The following PCDHGA5 variants were observed in gnomAD, a reference collection of about 807,000 sequenced individuals.
The protein encoded by PCDHGA5 is protocadherin gamma subfamily A, 5, also known as protocadherin gamma-A5.
A neutral mutation model predicts 56.7 loss-of-function variants in PCDHGA5; 36 were observed. The observed-to-expected ratio is 0.64, with a 90% CI of 0.49 to 0.84. PCDHGA5 has a LOEUF of 0.84. PCDHGA5 is among the 40% of genes least tolerant of loss of function. The probability of loss-of-function intolerance (pLI) is 0.00; values close to 1 mark genes in which losing one functional copy is unlikely to be tolerated. For missense variants in PCDHGA5, 1,305 were observed against 1,201.5 expected, an observed-to-expected ratio of 1.09 and a Z score of -1.27; for synonymous variants, 563 against 520.2, an observed-to-expected ratio of 1.08 and a Z score of -1.12.
At chr5:141,366,899 C>A in intron 1 of PCDHGA5, 148 bp downstream of exon 1, 1 of 1,196,082 alleles carries the variant, frequency 8.4e-7, no homozygotes, top group Non-Finnish European at 1.1e-6. Flanking sequence ...ATAATTCATG[C>A]TTTCTCCATT....
intron 1 of PCDHGA5, chr5:141,403,938 G>C (rs1181403397): frequency 1.2e-6 from 2 of 1,613,848 alleles, no homozygotes; most frequent in Non-Finnish European, 1.7e-6. Flanking sequence ...GGATTGAAAG[G>C]GTGGACAAAA....
Position 141,432,731 on chromosome 5 carries a change from G to C in PCDHGA5, c.2422-62076G>C, listed in dbSNP as rs1244820860. On this transcript the variant is annotated intron_variant, in intron 1 of 3. Coordinates refer to ENST00000518069, the MANE Select transcript of PCDHGA5 (RefSeq NM_018918.3). This position sits in a 1 kb window ranked among gnomAD's most constrained non-coding sequence, Gnocchi z 6.0. ...CGGCCAGCCCCCTCTCTCCGCCACT[G>C]TCACGCTCACCGTGGCCGTGGCCGA... The C allele has an allele frequency of 6.2e-7, 1 of 1,614,068 alleles. No homozygotes were observed.
At chr5:141,505,604 G>T (rs772730114) in intron 3 of PCDHGA5, 123 bp downstream of exon 3, 1 of 1,535,418 alleles carries the variant, frequency 6.5e-7, no homozygotes, top group Non-Finnish European at 8.8e-7. Flanking sequence ...CTTTCGGCAG[G>T]TCTGAAAGGA....
Position 141,511,165 on chromosome 5 carries a change from A to G in PCDHGA5, c.2788A>G (p.Lys930Glu). 1 of 1,614,096 alleles carries G rather than the reference A, an allele frequency of 6.2e-7. No homozygotes were observed. Among genetic ancestry groups the G allele is most frequent in the East Asian group, 2.2e-5 (1 of 44,870 alleles). ...CAAGAAGAAGTCGGGCAAGAAGGAGAAGAAGTAACATGGAGGCCAGGCCAA... is the reference window on the plus strand; with the variant it reads ...CAAGAAGAAGTCGGGCAAGAAGGAGGAGAAGTAACATGGAGGCCAGGCCAA... ...GNKKKSGKKE[K>E]K Residue 930 changes from lysine (K) to glutamate (E), a missense_variant, in exon 4 of 4, where the codon AAG (lysine) becomes GAG (glutamate). Physicochemically the swap from Lys to Glu is moderately conservative, Grantham distance 56. Transcript: ENST00000518069.
chr5:141,497,062 A>C (rs779414748), intron 2 of PCDHGA5, among the ~76,000 whole-genome samples: 6 of 152,024 alleles, frequency 3.9e-5, no homozygotes, highest in Non-Finnish European at 7.4e-5. Flanking sequence ...GGTGGCAGGC[A>C]CCTGTAATCC....
At chr5:141,391,345 G>C (rs1233916830) in intron 1 of PCDHGA5, 1 of 139,580 alleles carries the variant, frequency 7.2e-6, no homozygotes, top group Admixed American at 7.6e-5. Context: ...CAGAGTCTCT[G>C]TCTGTTACTC....
intron 1 of PCDHGA5, chr5:141,372,032 G>A (rs1177751501): frequency 1.2e-6 from 2 of 1,613,340 alleles, no homozygotes; most frequent in Non-Finnish European, 1.7e-6. Context: ...GCGCCAACGT[G>A]AGCCTGCGCG....
At chr5:141,422,090 A>T (rs762413085) in intron 1 of PCDHGA5, 1 of 1,611,852 alleles carries the variant, frequency 6.2e-7, no homozygotes, top group East Asian at 2.2e-5. Context: ...ATGGAAAGCA[A>T]GGCTTCTGAA....
At chr5:141,408,566 G>A (rs779048929) in intron 1 of PCDHGA5, 2 of 1,613,912 alleles carry the variant, frequency 1.2e-6, no homozygotes, top group East Asian at 4.5e-5. Flanking sequence ...TGTCATTGTG[G>A]TGATTGAGGA....
rs13436436 is a variant in PCDHGA5 at position 141,494,301 on chromosome 5, G to C, written c.2422-506G>C. Among the ~76,000 whole-genome samples, 1,119 of 152,302 alleles carry C rather than the reference G, an allele frequency of 7.3e-3. 11 individuals carry two copies. The highest frequency in any genetic ancestry group is 0.026 in the African/African-American group (1,077 of 41,560). Reference sequence around the variant, plus strand: ...CCAGAGAAGATGTCCCTGTGAATGTGTCACTGCACAACCTGGCACCAAAAG... The same window carrying C: ...CCAGAGAAGATGTCCCTGTGAATGTCTCACTGCACAACCTGGCACCAAAAG... On this transcript the variant is annotated intron_variant, in intron 1 of 3. Coordinates refer to ENST00000518069, the MANE Select transcript of PCDHGA5 (RefSeq NM_018918.3).
At chr5:141,422,597 C>T in intron 1 of PCDHGA5, 1 of 1,614,102 alleles carries the variant, frequency 6.2e-7, no homozygotes, top group Non-Finnish European at 8.5e-7. Context: ...CCTCACTCCT[C>T]TTACTCTGCC....
At position 141,431,052 on chromosome 5, in the gene PCDHGA5, G is replaced by T. The variant is rs148326556; in HGVS notation, c.2422-63755G>T. 7.4e-6 allele frequency: 12 copies of T among 1,614,110 alleles called. No homozygotes were observed. The African/African-American group carries it at 1.6e-4, about 22-fold the overall frequency. On this transcript the variant is annotated intron_variant, in intron 1 of 3. Coordinates refer to ENST00000518069, the MANE Select transcript of PCDHGA5 (RefSeq NM_018918.3). The surrounding 1 kb of genome is among the most constrained non-coding windows in gnomAD (Gnocchi z 4.8). ...ATAGACCGGGAGGAGCTCTGTATGG[G>T]GGCCATCAAGTGTCAATTAAATCTA...
At position 141,490,346 on chromosome 5, in the gene PCDHGA5, T is replaced by G. The variant is rs1396321935; in HGVS notation, c.2422-4461T>G. 1.2e-6 allele frequency: 2 copies of G among 1,614,046 alleles called. No individual in the cohort carries two copies. Among genetic ancestry groups the G allele is most frequent in the African/African-American group, 2.7e-5 (2 of 74,900 alleles). ...GAGAGCACACCAGTGGGCACAGTAG[T>G]GGGGTTGTTTAATGTGCGAGACCGG... On this transcript the variant is annotated intron_variant, in intron 1 of 3. Coordinates refer to ENST00000518069, the MANE Select transcript of PCDHGA5 (RefSeq NM_018918.3). This position sits in a 1 kb window ranked among gnomAD's most constrained non-coding sequence, Gnocchi z 5.4.
intron 1 of PCDHGA5, chr5:141,410,497 T>TG (rs1192894414): frequency 6.2e-7 from 1 of 1,613,998 alleles, no homozygotes; most frequent in South Asian, 1.1e-5. Flanking sequence ...AAGAGTTTAA[T>TG]TTCCTAAAAT....
intron 3 of PCDHGA5, among the ~76,000 whole-genome samples, chr5:141,507,918 G>C (rs1409126707): frequency 6.6e-6 from 1 of 152,208 alleles, no homozygotes; most frequent in Non-Finnish European, 1.5e-5. Flanking sequence ...CAGGCCTGTG[G>C]GGCTGCTGAG....
chr5:141,396,996 C>G (rs1435849865), intron 1 of PCDHGA5, among the ~76,000 whole-genome samples: 1 of 152,218 alleles, frequency 6.6e-6, no homozygotes, highest in Non-Finnish European at 1.5e-5. Context: ...TTTTATTAAT[C>G]TGACAAATGG....
chr5:141,372,365 C>T lies in PCDHGA5; in HGVS notation c.2421+5614C>T, dbSNP rs777698721. On this transcript the variant is annotated intron_variant, in intron 1 of 3. Coordinates refer to ENST00000518069, the MANE Select transcript of PCDHGA5 (RefSeq NM_018918.3). ...GAGGACAGCAGCCTCTTTCAGCCACCGTCATGCTGCACCTAATCTTCGCAG... is the reference window on the plus strand; with the variant it reads ...GAGGACAGCAGCCTCTTTCAGCCACTGTCATGCTGCACCTAATCTTCGCAG... 5.0e-6 allele frequency: 8 copies of T among 1,613,848 alleles called. No individual in the cohort carries two copies. The African/African-American group carries it at 6.7e-5, about 13-fold the overall frequency.
chr5:141,413,366 C>T (rs1452603006), intron 1 of PCDHGA5: 2 of 1,613,958 alleles, frequency 1.2e-6, no homozygotes, highest in Middle Eastern at 1.7e-4. Flanking sequence ...CGGGAGCTGG[C>T]GGAGCGCGGA....
chr5:141,476,553 A>G lies in PCDHGA5; in HGVS notation c.2422-18254A>G. On this transcript the variant is annotated intron_variant, in intron 1 of 3. Coordinates refer to ENST00000518069, the MANE Select transcript of PCDHGA5 (RefSeq NM_018918.3). The surrounding 1 kb of genome is among the most constrained non-coding windows in gnomAD (Gnocchi z 7.6). ...CAGGAAATGAAATTGGAGATTAGCG[A>G]GGCCGTGGCTCCGGGGACGCGCTTT... The G allele has an allele frequency of 1.2e-6, 2 of 1,614,226 alleles. No homozygotes were observed. The highest frequency in any genetic ancestry group is 1.7e-6 in the Non-Finnish European group (2 of 1,180,040).
Sources: gnomAD v4.1 joint callset for allele counts (sites outside exome capture counted in the v4.1 genomes callset) on GRCh38, gnomAD v4.1.1 for gene constraint, Gnocchi (gnomAD v3.1) non-coding constraint, MANE v1.5 for transcripts, NCBI Gene and HGNC (gene_info 2026-07-23, HGNC 2026-07-21) for gene names.